Variants in MSL2 observed in about 807,000 individuals in gnomAD.
The protein encoded by MSL2 is MSL complex subunit 2.
Under a neutral mutation model 35.8 loss-of-function variants are expected in MSL2, and 2 were observed. The ratio of observed to expected loss-of-function variants is 0.06; its 90% CI spans 0.02 to 0.18. MSL2 has a LOEUF of 0.18. Among genes scored for constraint, MSL2 ranks in the 10% least tolerant of loss-of-function variants. The pLI, the probability that MSL2 is intolerant of heterozygous loss-of-function variation, is 1.00. For synonymous variants in MSL2, 296 were observed against 255.7 expected (o/e 1.16, Z -1.50); for missense variants, 523 against 706.7 (o/e 0.74, Z 2.95).
chr3:136,159,655 C>A (rs1939645562), intron 1 of MSL2, among the ~76,000 whole-genome samples: 1 of 151,760 alleles, frequency 6.6e-6, no homozygotes, highest in African/African-American at 2.4e-5. Context: ...CAGGCGTGAG[C>A]CACCACGCCT....
intron 1 of MSL2, chr3:136,194,689 G>T (rs1940786463): frequency 2.8e-6 from 1 of 356,318 alleles, no homozygotes; most frequent in Non-Finnish European, 4.9e-6. Context: ...CCTTGTGCAT[G>T]CATCTTACCC....
chr3:136,195,141 C>A lies in MSL2; in HGVS notation c.-28G>T. 1 of 1,565,874 alleles carries A rather than the reference C, an allele frequency of 6.4e-7. No homozygotes were observed. The highest frequency in any genetic ancestry group is 8.6e-7 in the Non-Finnish European group (1 of 1,157,766). On this transcript the variant is annotated 5_prime_UTR_variant, in exon 1 of 2. Coordinates refer to ENST00000309993, the MANE Select transcript of MSL2 (RefSeq NM_018133.4). ...CAGACACTTCGACACCAATGGCTCC[C>A]GGTTGAAAAGAAATTCCGGATCCAA...
chr3:136,178,979 C>CTT lies in MSL2; in HGVS notation c.142+15991_142+15992dup, dbSNP rs763670751. Among the ~76,000 whole-genome samples, 456 of 101,776 alleles carry CTT rather than the reference C, an allele frequency of 4.5e-3. 6 individuals are homozygous for CTT. Among genetic ancestry groups the CTT allele is most frequent in the African/African-American group, 0.014 (407 of 29,294 alleles). 66.8% of individuals were successfully genotyped at this position (101,776 alleles called of 152,430 possible). A position where few individuals can be genotyped will look rare whatever the true frequency, so the allele number is the denominator to read the frequency against. On this transcript the variant is annotated intron_variant, in intron 1 of 1. Coordinates refer to ENST00000309993, the MANE Select transcript of MSL2 (RefSeq NM_018133.4). ...GGAATGTAGTTATTTTGTTGGTTTT[C>CTT]TTTTTTTTTTTTTTTTTTTTTTTTA...
At position 136,194,760 on chromosome 3, in the gene MSL2, C is replaced by A. The variant is rs571640658; in HGVS notation, c.142+212G>T. On this transcript the variant is annotated intron_variant, in intron 1 of 1. Coordinates refer to ENST00000309993, the MANE Select transcript of MSL2 (RefSeq NM_018133.4). ...AATTAAACCATTTTGAACGTTAACG[C>A]CGCTGCACAAAGCGGTATGAAAGGG... is the stretch of plus-strand genomic sequence containing the variant. 3.3e-5 allele frequency among the ~76,000 whole-genome samples: 5 copies of A among 152,158 alleles called. No individual in the cohort carries two copies. In the East Asian group the frequency reaches 7.7e-4, roughly 23 times the overall value.
chr3:136,173,054 T>C (rs979327716), intron 1 of MSL2, among the ~76,000 whole-genome samples: 3 of 152,098 alleles, frequency 2.0e-5, no homozygotes, highest in Admixed American at 6.5e-5. Flanking sequence ...TCCCAGCTAC[T>C]TGGGAGGCTG....
chr3:136,186,951 T>A (rs1940540700), intron 1 of MSL2, among the ~76,000 whole-genome samples: 1 of 151,618 alleles, frequency 6.6e-6, no homozygotes, highest in South Asian at 2.1e-4. Flanking sequence ...AAATACTATG[T>A]AAGTAGTTGT....
At chr3:136,178,656 C>A (rs1345866637) in intron 1 of MSL2, among the ~76,000 whole-genome samples, 12 of 151,920 alleles carry the variant, frequency 7.9e-5, no homozygotes, top group Non-Finnish European at 1.5e-5. Flanking sequence ...CCTCAGCCTC[C>A]CAAGTAGCTG....
intron 1 of MSL2, chr3:136,194,542 G>T: frequency 3.0e-6 from 2 of 668,442 alleles, no homozygotes; most frequent in Non-Finnish European, 3.7e-6. Flanking sequence ...CCACTCCCAC[G>T]TAACACCAGT....
rs1399527780 is a variant in MSL2 at position 136,150,489 on chromosome 3, C to T, written c.*658G>A. On this transcript the variant is annotated 3_prime_UTR_variant, in exon 2 of 2. Transcript: ENST00000309993. ...GTGAAGGAGGGATTTAGAATTTCTT[C>T]CCTAGAAATGAGTAACAGCTAAACA... 1 of 152,610 alleles carries T rather than the reference C, an allele frequency of 6.6e-6. No individual in the cohort carries two copies. Among genetic ancestry groups the T allele is most frequent in the Non-Finnish European group, 1.5e-5 (1 of 68,062 alleles). The allele number at this position is 152,610 out of a possible 1,614,324, so 9.5% of individuals were successfully genotyped here.
At chr3:136,154,388 A>G (rs542356862) in intron 1 of MSL2, among the ~76,000 whole-genome samples, 5 of 152,284 alleles carry the variant, frequency 3.3e-5, no homozygotes, top group Admixed American at 1.3e-4. Context: ...TGACATATAC[A>G]TACAAACCAA....
chr3:136,194,509 T>C, intron 1 of MSL2: 1 of 957,034 alleles, frequency 1.0e-6, no homozygotes, highest in Non-Finnish European at 1.2e-6. Context: ...GTTCTCCAGC[T>C]GTGGGTTCAT....
intron 1 of MSL2, among the ~76,000 whole-genome samples, chr3:136,176,260 T>A (rs1322564290): frequency 1.3e-5 from 2 of 152,122 alleles, no homozygotes; most frequent in East Asian, 3.9e-4. Context: ...ATGCCTGTAA[T>A]CCCAGCACTA....
chr3:136,194,494 G>C, intron 1 of MSL2: 5 of 981,424 alleles, frequency 5.1e-6, no homozygotes, highest in Non-Finnish European at 6.1e-6. Flanking sequence ...AAAGTTCCGC[G>C]CCGGGTTCTC....
At chr3:136,169,005 CA>C (rs1170426249) in intron 1 of MSL2, among the ~76,000 whole-genome samples, 1 of 151,992 alleles carries the variant, frequency 6.6e-6, no homozygotes, top group East Asian at 1.9e-4. Context: ...CCAGCCATAT[CA>C]CACGGCTGTG....
At position 136,196,142 on chromosome 3, in the gene MSL2, G is replaced by A. The variant is rs1940841400; in HGVS notation, c.-1029C>T. 1.3e-5 allele frequency: 2 copies of A among 150,744 alleles called. No homozygotes were observed. Among genetic ancestry groups the A allele is most frequent in the Admixed American group, 6.6e-5 (1 of 15,108 alleles). 9.3% of individuals were successfully genotyped at this position (150,744 alleles called of 1,614,324 possible). ...GCAGGCCCCTCCCCCGTGCCTCGCC[G>A]CCCTCACCCCGACTCCACGCGCCAC... On this transcript the variant is annotated 5_prime_UTR_variant, in exon 1 of 2. Coordinates refer to ENST00000309993, the MANE Select transcript of MSL2 (RefSeq NM_018133.4).
Position 136,175,758 on chromosome 3 carries a change from C to T in MSL2, c.142+19214G>A, listed in dbSNP as rs192160013. ...TTTCATAATCAATTTATCTAAATTT[C>T]CCCATTTTTCACCTTTTCCAAATGA... On this transcript the variant is annotated intron_variant, in intron 1 of 1. Coordinates refer to ENST00000309993, the MANE Select transcript of MSL2 (RefSeq NM_018133.4). 1.9e-3 allele frequency among the ~76,000 whole-genome samples: 293 copies of T among 152,256 alleles called. 1 individual carries two copies. Among genetic ancestry groups the T allele is most frequent in the Admixed American group, 4.1e-3 (62 of 15,290 alleles).
intron 1 of MSL2, among the ~76,000 whole-genome samples, chr3:136,154,067 G>A (rs1326894002): frequency 1.4e-5 from 2 of 144,352 alleles, no homozygotes; most frequent in Non-Finnish European, 3.0e-5. Flanking sequence ...TGGGCGACAA[G>A]AGCAAAACTC....
chr3:136,155,320 C>A (rs1286948743), intron 1 of MSL2, among the ~76,000 whole-genome samples: 1 of 151,858 alleles, frequency 6.6e-6, no homozygotes, highest in Non-Finnish European at 1.5e-5. Context: ...GCCTGACCAA[C>A]ATGGTGAAAC....
At chr3:136,188,970 C>T (rs2108095324) in intron 1 of MSL2, among the ~76,000 whole-genome samples, 1 of 151,412 alleles carries the variant, frequency 6.6e-6, no homozygotes, top group African/African-American at 2.4e-5. Context: ...GAGTCCTTTC[C>T]CTAAAGCAGT....
Sources: allele counts gnomAD v4.1 joint callset (sites outside exome capture counted in the v4.1 genomes callset), GRCh38; gene constraint gnomAD v4.1.1; transcripts MANE v1.5; gene names NCBI Gene and HGNC (gene_info 2026-07-23, HGNC 2026-07-21).